The following CAMK1G variants were observed in gnomAD, a reference collection of about 807,000 sequenced individuals.
CAMK1G encodes calcium/calmodulin-dependent protein kinase type 1G.
A neutral mutation model predicts 54.8 loss-of-function variants in CAMK1G; 27 were observed. The observed-to-expected ratio is 0.49, with a 90% CI of 0.36 to 0.68. CAMK1G has a LOEUF of 0.68. Among genes scored for constraint, CAMK1G ranks in the 30% least tolerant of loss-of-function variants. CAMK1G has a pLI of 0.00. For synonymous variants in CAMK1G, 238 were observed against 224.9 expected (o/e 1.06, Z -0.52); for missense variants, 512 against 591.0 (o/e 0.87, Z 1.39).
At chr1:209,608,945 G>T (rs761411304) in intron 7 of CAMK1G, 35 bp from the exon 8 acceptor site, 28 of 1,612,770 alleles carry the variant, frequency 1.7e-5, no homozygotes, top group African/African-American at 2.7e-5. Flanking sequence ...GGACAGGTTT[G>T]TTCAGTAGTA....
chr1:209,603,709 G>T (rs899731022), intron 4 of CAMK1G, among the ~76,000 whole-genome samples: 1 of 152,136 alleles, frequency 6.6e-6, no homozygotes, highest in Non-Finnish European at 1.5e-5. Flanking sequence ...AGTCCTTTTG[G>T]ACCAATACAT....
At position 209,605,598 on chromosome 1, in the gene CAMK1G, C is replaced by G; in HGVS notation, c.359C>G (p.Ala120Gly). 6.2e-7 allele frequency: 1 copy of G among 1,614,062 alleles called. No homozygotes were observed. Among genetic ancestry groups the G allele is most frequent in the Non-Finnish European group, 8.5e-7 (1 of 1,179,958 alleles). ...CGGGGTGTCTACACAGAGAAGGATG[C>G]CAGTCTGGTGATCCAGCAGGTCTTG... is the stretch of plus-strand genomic sequence containing the variant. Reference protein sequence around the residue: ...LERGVYTEKDASLVIQQVLSA... With the variant: ...LERGVYTEKDGSLVIQQVLSA... Residue 120 changes from alanine (A) to glycine (G), a missense_variant, in exon 5 of 13, where the codon GCC (alanine) becomes GGC (glycine). Physicochemically the swap from Ala to Gly is moderately conservative, Grantham distance 60. Around this residue, in one of 3 missense-constraint regions of CAMK1G, gnomAD observed 186 missense variants for 231.5 expected, o/e 0.80. Transcript: ENST00000361322.
intron 5 of CAMK1G, 97 bp from the exon 6 acceptor site, chr1:209,606,223 C>A (rs1041648409): frequency 2.0e-6 from 3 of 1,503,706 alleles, no homozygotes; most frequent in Admixed American, 1.8e-5. Flanking sequence ...AAGTCAGGAG[C>A]CCAGGGCTCA....
At chr1:209,596,047 G>A (rs553355101) in intron 2 of CAMK1G, among the ~76,000 whole-genome samples, 9 of 152,168 alleles carry the variant, frequency 5.9e-5, no homozygotes, top group South Asian at 2.1e-4. Flanking sequence ...CTGTCCATCC[G>A]GGTAAGCTTT....
At position 209,606,080 on chromosome 1, in the gene CAMK1G, AG is replaced by A. The variant is rs1222817233; in HGVS notation, c.436-237del. 1.5e-4 allele frequency among the ~76,000 whole-genome samples: 23 copies of A among 152,302 alleles called. No homozygotes were observed. The East Asian group carries it at 3.3e-3, about 22-fold the overall frequency. ...GGGTAGTTGGAAGTGAGGGAAGGAA[AG>A]GGTGAGTATATTAATGTTTACAAGA... On this transcript the variant is annotated intron_variant, in intron 5 of 12. Coordinates refer to ENST00000361322, the MANE Select transcript of CAMK1G (RefSeq NM_020439.3).
rs74777376 is a variant in CAMK1G at position 209,595,485 on chromosome 1, C to T, written c.92+410C>T. ...GTCCCTTTCCCCCAGGGTTTGCCTCCTTCTGACCCACCTGCAATGACCCTC... is the reference window on the plus strand; with the variant it reads ...GTCCCTTTCCCCCAGGGTTTGCCTCTTTCTGACCCACCTGCAATGACCCTC... On this transcript the variant is annotated intron_variant, in intron 2 of 12. Coordinates refer to ENST00000361322, the MANE Select transcript of CAMK1G (RefSeq NM_020439.3). 1.4e-4 allele frequency among the ~76,000 whole-genome samples: 21 copies of T among 152,286 alleles called. 1 individual carries two copies. In the East Asian group the frequency reaches 4.1e-3, roughly 29 times the overall value.
At chr1:209,589,028 G>A (rs199593154) in intron 1 of CAMK1G, among the ~76,000 whole-genome samples, 7 of 151,936 alleles carry the variant, frequency 4.6e-5, no homozygotes, top group African/African-American at 7.3e-5. Context: ...CAATTGAGCC[G>A]AAGCTAGGAG....
At chr1:209,604,374 G>A (rs1409669049) in intron 4 of CAMK1G, among the ~76,000 whole-genome samples, 4 of 152,172 alleles carry the variant, frequency 2.6e-5, no homozygotes, top group Non-Finnish European at 5.9e-5. Context: ...AGAGTTGGAT[G>A]TCCCTGAGGA....
chr1:209,597,159 A>G (rs565675270), intron 2 of CAMK1G, among the ~76,000 whole-genome samples: 1 of 152,326 alleles, frequency 6.6e-6, no homozygotes, highest in East Asian at 1.9e-4. Flanking sequence ...GGACAAGTGT[A>G]CAAATTATGA....
At chr1:209,591,103 C>T (rs1366280153) in intron 1 of CAMK1G, among the ~76,000 whole-genome samples, 1 of 151,224 alleles carries the variant, frequency 6.6e-6, no homozygotes, top group East Asian at 1.9e-4. Context: ...TATATTCTAT[C>T]TTCCTCAGAG....
chr1:209,606,397 A>G lies in CAMK1G; in HGVS notation c.513A>G (p.Glu171=), dbSNP rs1463405169. The G allele has an allele frequency of 6.2e-7, 1 of 1,614,052 alleles. No homozygotes were observed. The highest frequency in any genetic ancestry group is 1.7e-5 in the Admixed American group (1 of 60,010). ...CTGACTTTGGTCTGTCCAAGATGGAACAGAATGGCATCATGTCCACTGCCT... is the reference window on the plus strand; with the variant it reads ...CTGACTTTGGTCTGTCCAAGATGGAGCAGAATGGCATCATGTCCACTGCCT... ...MITDFGLSKM[E]QNGIMSTACG... Residue 171 remains glutamate (E), a synonymous_variant, in exon 6 of 13, where the codon GAA becomes GAG. Coordinates refer to ENST00000361322, the MANE Select transcript of CAMK1G (RefSeq NM_020439.3).
At chr1:209,608,790 C>T (rs1665711649) in intron 7 of CAMK1G, among the ~76,000 whole-genome samples, 190 bp from the exon 8 acceptor site, 1 of 152,192 alleles carries the variant, frequency 6.6e-6, no homozygotes, top group South Asian at 2.1e-4. Flanking sequence ...CAAGGCTTGG[C>T]ACTTGCATAA....
At chr1:209,598,222 T>C (rs1324394643) in intron 2 of CAMK1G, among the ~76,000 whole-genome samples, 1 of 152,236 alleles carries the variant, frequency 6.6e-6, no homozygotes, top group East Asian at 1.9e-4. Context: ...CCACCTGCTC[T>C]GTCTTCAGAG....
At position 209,584,142 on chromosome 1, in the gene CAMK1G, G is replaced by T. The variant is rs115840414; in HGVS notation, c.-30+370G>T. Among the ~76,000 whole-genome samples, 769 of 152,258 alleles carry T rather than the reference G, an allele frequency of 5.1e-3. 6 individuals are homozygous for T. Among genetic ancestry groups the T allele is most frequent in the African/African-American group, 0.017 (714 of 41,532 alleles). On this transcript the variant is annotated intron_variant, in intron 1 of 12. Transcript: ENST00000361322. ...AGGGACCCCGTCCATCTGCTGGGGTGTTAGGACCTCCAACTCTCTTGCACC... is the reference window on the plus strand; with the variant it reads ...AGGGACCCCGTCCATCTGCTGGGGTTTTAGGACCTCCAACTCTCTTGCACC...
chr1:209,595,764 C>T (rs9430001), intron 2 of CAMK1G, among the ~76,000 whole-genome samples: 41,483 of 152,186 alleles, frequency 0.27, 6,397 homozygotes, highest in Non-Finnish European at 0.34. Context: ...CCTCCATATC[C>T]AAGTGTTTCA....
intron 3 of CAMK1G, among the ~76,000 whole-genome samples, chr1:209,602,164 T>G (rs1665546268): frequency 6.6e-6 from 1 of 152,156 alleles, no homozygotes; most frequent in Admixed American, 6.5e-5. Context: ...GTCGACATTT[T>G]GAAACAGATA....
At chr1:209,590,004 G>C (rs989374032) in intron 1 of CAMK1G, among the ~76,000 whole-genome samples, 1 of 152,206 alleles carries the variant, frequency 6.6e-6, no homozygotes, top group African/African-American at 2.4e-5. Flanking sequence ...CATCCTCCAA[G>C]TCTCCTGAGC....
intron 8 of CAMK1G, among the ~76,000 whole-genome samples, chr1:209,609,480 T>C (rs775786343): frequency 1.3e-4 from 20 of 152,322 alleles, no homozygotes; most frequent in Admixed American, 2.6e-4. Flanking sequence ...TACGTGATTG[T>C]TGGACCTGTT....
chr1:209,609,137 A>C, intron 8 of CAMK1G, 45 bp downstream of exon 8: 5 of 1,612,288 alleles, frequency 3.1e-6, no homozygotes, highest in Non-Finnish European at 4.2e-6. Context: ...CTCAAGGTAG[A>C]GGCTGCCAAG....
Sources: allele counts gnomAD v4.1 joint callset (sites outside exome capture counted in the v4.1 genomes callset), GRCh38; gene constraint gnomAD v4.1.1; regional missense constraint gnomAD v4.1.1; transcripts MANE v1.5; gene names NCBI Gene and HGNC (gene_info 2026-07-23, HGNC 2026-07-21).